The following B3GALNT2 variants were observed in gnomAD, a reference collection of about 807,000 sequenced individuals.
B3GALNT2 encodes beta-1,3-N-acetylgalactosaminyltransferase 2.
Under a neutral mutation model 61.1 loss-of-function variants are expected in B3GALNT2, and 53 were observed. The ratio of observed to expected loss-of-function variants is 0.87; its 90% confidence interval spans 0.70 to 1.09. The LOEUF is 1.09. B3GALNT2 is among the 50% of genes least tolerant of loss of function. B3GALNT2 has a pLI of 0.00. For missense variants in B3GALNT2, 544 were observed against 623.0 expected (o/e 0.87, Z 1.35); for synonymous variants, 223 against 237.4 (o/e 0.94, Z 0.56).
chr1:235,447,738 A>C lies in B3GALNT2; in HGVS notation c.*2468T>G, dbSNP rs1682494134. On this transcript the variant is annotated 3_prime_UTR_variant, in exon 12 of 12. Coordinates refer to ENST00000366600, the MANE Select transcript of B3GALNT2 (RefSeq NM_152490.5). Reference sequence around the variant, plus strand: ...TCGCTCCCTTTATTCTTCTGTGCTGAGAGTATCATTCTGGTTTATTCAGAT... The same window carrying C: ...TCGCTCCCTTTATTCTTCTGTGCTGCGAGTATCATTCTGGTTTATTCAGAT... 6.6e-6 allele frequency among the ~76,000 whole-genome samples: 1 copy of C among 152,198 alleles called. No homozygotes were observed. The highest frequency in any genetic ancestry group is 1.5e-5 in the Non-Finnish European group (1 of 68,040).
downstream of B3GALNT2, among the ~76,000 whole-genome samples, chr1:235,442,671 G>A (rs1321294720): frequency 6.6e-6 from 1 of 152,144 alleles, no homozygotes; most frequent in Non-Finnish European, 1.5e-5. Context: ...GTATTGTCCA[G>A]CTATTTCTGT....
downstream of B3GALNT2, chr1:235,442,770 G>T: frequency 7.6e-7 from 1 of 1,322,872 alleles, no homozygotes; most frequent in Non-Finnish European, 1.1e-6. Flanking sequence ...TCTATCATTT[G>T]GCCATCTGTT....
At chr1:235,470,494 G>C (rs1683936880) in intron 6 of B3GALNT2, among the ~76,000 whole-genome samples, 1 of 145,956 alleles carries the variant, frequency 6.9e-6, no homozygotes, top group Non-Finnish European at 1.5e-5. Flanking sequence ...TGGGAGGATT[G>C]TTTAAGCCAG....
At chr1:235,442,994 C>G, downstream of B3GALNT2, 1 of 1,383,798 alleles carries the variant, frequency 7.2e-7, no homozygotes, top group Non-Finnish European at 1.0e-6. Flanking sequence ...ACCTTTAACT[C>G]ATGTCTCAAA....
Position 235,489,403 on chromosome 1 carries a change from A to G in B3GALNT2, c.261-135T>C, listed in dbSNP as rs1205517902. 2.2e-6 allele frequency: 3 copies of G among 1,371,716 alleles called. No individual in the cohort carries two copies. In the African/African-American group the frequency reaches 4.4e-5, roughly 20 times the overall value. 85.0% of individuals were successfully genotyped at this position (1,371,716 alleles called of 1,614,324 possible). A position where few individuals can be genotyped will look rare whatever the true frequency, so the allele number is the denominator to read the frequency against. On this transcript the variant is annotated intron_variant, in intron 2 of 11. Transcript: ENST00000366600. ...ATTAATTCTCTACCTTTATTCTTCT[A>G]GTCAGACAAAATGGGGGAACAAGTA... is the stretch of plus-strand genomic sequence containing the variant.
chr1:235,453,383 T>C (rs1683018513), intron 10 of B3GALNT2, among the ~76,000 whole-genome samples: 1 of 151,988 alleles, frequency 6.6e-6, no homozygotes, highest in Non-Finnish European at 1.5e-5. Context: ...ATCCTTCTCA[T>C]GTACCTTAAG....
chr1:235,487,879 G>A (rs549144922), intron 3 of B3GALNT2, among the ~76,000 whole-genome samples: 2 of 152,146 alleles, frequency 1.3e-5, no homozygotes, highest in East Asian at 3.9e-4. Flanking sequence ...GCCTCGAACT[G>A]CTGGACCCAA....
intron 5 of B3GALNT2, 113 bp from the exon 6 acceptor site, chr1:235,471,073 A>G (rs1683982061): frequency 1.3e-6 from 2 of 1,505,586 alleles, no homozygotes; most frequent in South Asian, 1.3e-5. Flanking sequence ...GTATCATTTA[A>G]AATTTTCACC....
Position 235,450,052 on chromosome 1 carries a change from T to G in B3GALNT2, c.*154A>C. The G allele has an allele frequency of 4.6e-6, 4 of 873,230 alleles. No individual in the cohort carries two copies. Among genetic ancestry groups the G allele is most frequent in the Non-Finnish European group, 6.8e-6 (4 of 586,414 alleles). 54.1% of individuals were successfully genotyped at this position (873,230 alleles called of 1,614,324 possible). Reference sequence around the variant, plus strand: ...TTTTTAAGGAAATTTGTGCAAACATTAAGAAACACCGCATTGGTTCTGGGT... The same window carrying G: ...TTTTTAAGGAAATTTGTGCAAACATGAAGAAACACCGCATTGGTTCTGGGT... On this transcript the variant is annotated 3_prime_UTR_variant, in exon 12 of 12. Coordinates refer to ENST00000366600, the MANE Select transcript of B3GALNT2 (RefSeq NM_152490.5).
chr1:235,459,158 A>C (rs955856572), intron 7 of B3GALNT2, among the ~76,000 whole-genome samples: 13 of 152,060 alleles, frequency 8.5e-5, no homozygotes, highest in Admixed American at 5.9e-4. Flanking sequence ...AAAAAAAAAA[A>C]CAGCCAAGTT....
At chr1:235,440,085 C>T in the B3GALNT2 span, among the ~76,000 whole-genome samples, 1 of 152,052 alleles carries the variant, frequency 6.6e-6, no homozygotes, top group African/African-American at 2.4e-5. Context: ...ATTCTCCTGC[C>T]TCAGCCTCCC....
At position 235,454,249 on chromosome 1, in the gene B3GALNT2, A is replaced by G; in HGVS notation, c.1218T>C (p.Ala406=). Residue 406 remains alanine (A), a synonymous_variant, in exon 10 of 12, where the codon GCT becomes GCC. Coordinates refer to ENST00000366600, the MANE Select transcript of B3GALNT2 (RefSeq NM_152490.5). ...KWQELEYPSP[A]YPAFACGSGY... ...CTGACCCACATGCAAAGGCAGGGTA[A>G]GCGGGGCTCGGGTACTCCAACTCCT... The G allele has an allele frequency of 6.2e-7, 1 of 1,613,430 alleles. No individual in the cohort carries two copies. Among genetic ancestry groups the G allele is most frequent in the Non-Finnish European group, 8.5e-7 (1 of 1,179,472 alleles).
chr1:235,460,636 T>TAA (rs1020879145), intron 7 of B3GALNT2, among the ~76,000 whole-genome samples: 1 of 151,594 alleles, frequency 6.6e-6, no homozygotes, highest in African/African-American at 2.4e-5. Flanking sequence ...TGCAGTGGTG[T>TAA]AATTATAGCT....
At chr1:235,500,728 G>T (rs182975226) in intron 1 of B3GALNT2, among the ~76,000 whole-genome samples, 1 of 152,020 alleles carries the variant, frequency 6.6e-6, no homozygotes, top group African/African-American at 2.4e-5. Flanking sequence ...AGGCATCAGC[G>T]GCCACCAGAC....
chr1:235,443,590 GGAGACTGT>G (rs2102942123), downstream of B3GALNT2, among the ~76,000 whole-genome samples: 1 of 151,982 alleles, frequency 6.6e-6, no homozygotes, highest in East Asian at 1.9e-4. Context: ...CTGTTTCCAG[GGAGACTGT>G]GACACTGGGT....
intron 8 of B3GALNT2, among the ~76,000 whole-genome samples, chr1:235,457,905 T>A (rs560083527): frequency 6.6e-6 from 1 of 152,148 alleles, no homozygotes; most frequent in Non-Finnish European, 1.5e-5. Flanking sequence ...TCAACTTTTT[T>A]TTTTTTTTTC....
At chr1:235,454,739 G>GA (rs1320718225) in intron 9 of B3GALNT2, among the ~76,000 whole-genome samples, 1 of 151,976 alleles carries the variant, frequency 6.6e-6, no homozygotes, top group African/African-American at 2.4e-5. Context: ...TGCCCTTCCA[G>GA]AAAAAAATTT....
At chr1:235,455,330 G>C (rs1260315735) in intron 9 of B3GALNT2, among the ~76,000 whole-genome samples, 1 of 151,930 alleles carries the variant, frequency 6.6e-6, no homozygotes, top group Non-Finnish European at 1.5e-5. Flanking sequence ...GGCTAGTTTT[G>C]AACTCTTGGC....
chr1:235,455,878 G>A (rs193149714), intron 8 of B3GALNT2, among the ~76,000 whole-genome samples, 194 bp from the exon 9 acceptor site: 1 of 152,206 alleles, frequency 6.6e-6, no homozygotes, highest in East Asian at 1.9e-4. Flanking sequence ...TTTACTAAAT[G>A]GCATAACACA....
Sources: gnomAD v4.1 joint callset for allele counts (sites outside exome capture counted in the v4.1 genomes callset) on GRCh38, gnomAD v4.1.1 for gene constraint, MANE v1.5 for transcripts, NCBI Gene and HGNC (gene_info 2026-07-23, HGNC 2026-07-21) for gene names.